The following PCSK5 variants were observed in gnomAD, a reference collection of about 807,000 sequenced individuals.
The protein encoded by PCSK5 is proprotein convertase subtilisin/kexin type 5.
PCSK5 carries 129 observed loss-of-function variants against 233.2 expected under a neutral mutation model. The ratio of observed to expected loss-of-function variants is 0.55; its 90% confidence interval spans 0.48 to 0.64. The LOEUF is 0.64. Ranked by LOEUF, PCSK5 falls within the 30% of genes least tolerant of loss-of-function variation. PCSK5 has a pLI of 0.00. For synonymous variants in PCSK5, 825 were observed against 879.2 expected (o/e 0.94, Z 1.09); for missense variants, 2,076 against 2,430.1 (o/e 0.85, Z 3.06).
At chr9:75,939,407 T>C (rs752701608) in intron 2 of PCSK5, among the ~76,000 whole-genome samples, 5 of 152,236 alleles carry the variant, frequency 3.3e-5, no homozygotes, top group Non-Finnish European at 5.9e-5. Flanking sequence ...AGCTAAATTT[T>C]AGAAACAATA....
At chr9:76,031,956 G>T (rs1828669836) in intron 5 of PCSK5, among the ~76,000 whole-genome samples, 1 of 152,086 alleles carries the variant, frequency 6.6e-6, no homozygotes, top group Non-Finnish European at 1.5e-5. Context: ...GTCCTTGGGG[G>T]ACTTAAGGTT....
At chr9:76,045,781 A>G (rs2131543202) in intron 5 of PCSK5, among the ~76,000 whole-genome samples, 1 of 152,264 alleles carries the variant, frequency 6.6e-6, no homozygotes, top group African/African-American at 2.4e-5. Context: ...GTGGGCACTG[A>G]AGTGATTTAG....
Position 76,084,139 on chromosome 9 carries a change from A to G in PCSK5, c.895-11751A>G, listed in dbSNP as rs191308330. Among the ~76,000 whole-genome samples, 23 of 152,364 alleles carry G rather than the reference A, an allele frequency of 1.5e-4. No individual in the cohort carries two copies. In the East Asian group the frequency reaches 4.2e-3, roughly 28 times the overall value. ...GGAATTCTGTGTATTTAGAACATTA[A>G]CAAAGCTAAGACTTGGTTTGCCGAG... is the stretch of plus-strand genomic sequence containing the variant. On this transcript the variant is annotated intron_variant, in intron 7 of 37. Transcript: ENST00000674117.
At chr9:76,192,025 G>A (rs1824410619) in intron 20 of PCSK5, among the ~76,000 whole-genome samples, 1 of 135,106 alleles carries the variant, frequency 7.4e-6, no homozygotes, top group Admixed American at 8.3e-5. Context: ...GTTGCAGAGA[G>A]CAGAGATCGT....
chr9:76,173,976 G>T (rs1823458489), intron 13 of PCSK5, among the ~76,000 whole-genome samples: 1 of 151,736 alleles, frequency 6.6e-6, no homozygotes, highest in Non-Finnish European at 1.5e-5. Context: ...CAAAAAAAAA[G>T]AAAGAAAATG....
At chr9:76,292,087 C>T (rs1828294344) in intron 24 of PCSK5, 146 bp from the exon 25 acceptor site, 2 of 595,358 alleles carry the variant, frequency 3.4e-6, no homozygotes, top group Non-Finnish European at 6.0e-6. Flanking sequence ...AAAAACAGTA[C>T]AATCTGTTCA....
intron 5 of PCSK5, among the ~76,000 whole-genome samples, chr9:76,066,198 A>G (rs568234376): frequency 4.6e-5 from 7 of 152,312 alleles, no homozygotes; most frequent in Admixed American, 3.3e-4. Flanking sequence ...TAGGGATTGC[A>G]TTGAATCTGT....
chr9:76,081,980 G>T (rs1830857594), intron 7 of PCSK5, among the ~76,000 whole-genome samples: 1 of 151,956 alleles, frequency 6.6e-6, no homozygotes, highest in South Asian at 2.1e-4. Context: ...TTTCAATTCT[G>T]CCTGAATACT....
chr9:75,926,739 G>C (rs538385191), intron 1 of PCSK5, among the ~76,000 whole-genome samples: 1 of 152,236 alleles, frequency 6.6e-6, no homozygotes, highest in East Asian at 1.9e-4. Context: ...ATTCATGATT[G>C]ATTGTTCCTC....
intron 12 of PCSK5, among the ~76,000 whole-genome samples, chr9:76,162,936 C>A (rs1319744137): frequency 6.6e-6 from 1 of 152,206 alleles, no homozygotes; most frequent in African/African-American, 2.4e-5. Flanking sequence ...CCATGGCTTA[C>A]TCACAGCAGG....
At chr9:76,102,485 C>A (rs535671750) in intron 8 of PCSK5, among the ~76,000 whole-genome samples, 1 of 152,280 alleles carries the variant, frequency 6.6e-6, no homozygotes, top group South Asian at 2.1e-4. Flanking sequence ...CTGTAGCATT[C>A]CAATGAACAT....
At chr9:75,955,646 T>C (rs199556410) in intron 2 of PCSK5, among the ~76,000 whole-genome samples, 1 of 109,118 alleles carries the variant, frequency 9.2e-6, no homozygotes, top group Admixed American at 8.9e-5. Flanking sequence ...GTTTCTCAGC[T>C]TTTTTTTTTG....
At chr9:76,319,004 A>G (rs891078628) in intron 30 of PCSK5, among the ~76,000 whole-genome samples, 1 of 152,206 alleles carries the variant, frequency 6.6e-6, no homozygotes, top group Non-Finnish European at 1.5e-5. Flanking sequence ...AACCCCAAAT[A>G]TCTGAGGCAG....
intron 20 of PCSK5, among the ~76,000 whole-genome samples, chr9:76,202,591 C>T (rs1824959194): frequency 1.3e-5 from 2 of 152,098 alleles, no homozygotes; most frequent in South Asian, 4.1e-4. Context: ...CATTTACTTT[C>T]CCTGATTCTT....
chr9:75,935,679 T>C (rs1371954051), intron 2 of PCSK5, among the ~76,000 whole-genome samples: 1 of 152,224 alleles, frequency 6.6e-6, no homozygotes, highest in Non-Finnish European at 1.5e-5. Flanking sequence ...TTCTTTTTTT[T>C]TCTTTCATAA....
At chr9:76,084,094 A>T (rs1830965888) in intron 7 of PCSK5, among the ~76,000 whole-genome samples, 1 of 152,242 alleles carries the variant, frequency 6.6e-6, no homozygotes, top group Non-Finnish European at 1.5e-5. Context: ...TTCTCCCTCA[A>T]GATTTAACTA....
intron 2 of PCSK5, among the ~76,000 whole-genome samples, chr9:75,969,313 G>T (rs894738581): frequency 3.3e-5 from 5 of 152,156 alleles, no homozygotes; most frequent in African/African-American, 9.7e-5. Flanking sequence ...TTTGGTGATT[G>T]TCTTTTCTTG....
chr9:76,217,707 G>A (rs1564114968), intron 20 of PCSK5, among the ~76,000 whole-genome samples: 1 of 152,156 alleles, frequency 6.6e-6, no homozygotes, highest in Non-Finnish European at 1.5e-5. Context: ...GGAATGAGAG[G>A]AATCTCAAAA....
intron 2 of PCSK5, among the ~76,000 whole-genome samples, chr9:75,960,953 A>G (rs200534257): frequency 2.0e-5 from 3 of 152,230 alleles, no homozygotes; most frequent in Admixed American, 6.5e-5. Flanking sequence ...CTCTTCTATA[A>G]GGAAATTGAA....
Sources: gnomAD v4.1 joint callset for allele counts (sites outside exome capture counted in the v4.1 genomes callset) on GRCh38, gnomAD v4.1.1 for gene constraint, MANE v1.5 for transcripts, NCBI Gene and HGNC (gene_info 2026-07-23, HGNC 2026-07-21) for gene names.